The following TSR1 variants were observed in gnomAD, a reference collection of about 807,000 sequenced individuals.
The protein encoded by TSR1 is pre-rRNA-processing protein TSR1 homolog.
In TSR1, 81 loss-of-function variants were observed where a neutral mutation model predicts 90.9. The ratio of observed to expected loss-of-function variants is 0.89; its 90% confidence interval spans 0.74 to 1.07. The LOEUF (loss-of-function observed/expected upper bound fraction) is 1.07, where lower values mean the gene tolerates loss of function less well. Ranked by LOEUF, TSR1 falls within the 50% of genes least tolerant of loss-of-function variation. TSR1 has a pLI of 0.00. For synonymous variants in TSR1, 362 were observed against 348.8 expected, an observed-to-expected ratio of 1.04 and a Z score of -0.42; for missense variants, 989 against 987.3, an observed-to-expected ratio of 1.00 and a Z score of -0.02.
chr17:2,333,475 T>C (rs1013143974), intron 6 of TSR1, 82 bp downstream of exon 6: 1 of 1,568,428 alleles, frequency 6.4e-7, no homozygotes, highest in Non-Finnish European at 8.8e-7. Context: ...CACTCTATCC[T>C]ATAGGGCCCT....
At chr17:2,325,083 G>C in intron 12 of TSR1, 2 of 592,994 alleles carry the variant, frequency 3.4e-6, no homozygotes, top group East Asian at 5.7e-5. Flanking sequence ...AAAGGATGTT[G>C]AACAAAAGGC....
rs750076259 is a variant in TSR1, at chr17:2,332,169, C to G, written c.1496G>C (p.Arg499Pro). 1 of 1,610,788 alleles carries G rather than the reference C, an allele frequency of 6.2e-7. No homozygotes were observed. Among genetic ancestry groups the G allele is most frequent in the Non-Finnish European group, 8.5e-7 (1 of 1,179,336 alleles). The change falls in exon 8 of 15, where the codon CGA becomes CCA. Residue 499 changes from arginine to proline, a missense_variant and splice_region_variant. Physicochemically the swap from Arg to Pro is moderately radical, Grantham distance 103. Transcript: ENST00000301364. Reference sequence around the variant, plus strand: ...TTTGTTGATAGACTTGTTGACTAACCGAATTCGAGCAGCCACATCACGGGG... The same window carrying G: ...TTTGTTGATAGACTTGTTGACTAACGGAATTCGAGCAGCCACATCACGGGG... ...DTPRDVAARI[R>P]FQKYRGLKSF...
At chr17:2,335,862 G>T (rs569720732) in intron 2 of TSR1, 132 bp from the exon 3 acceptor site, 4 of 1,268,196 alleles carry the variant, frequency 3.2e-6, no homozygotes, top group South Asian at 2.8e-5. Context: ...AGGTATGCCA[G>T]CGGGGTGGCA....
chr17:2,333,313 C>G, intron 6 of TSR1, 189 bp from the exon 7 acceptor site: 1 of 851,084 alleles, frequency 1.2e-6, no homozygotes, highest in Non-Finnish European at 1.9e-6. Flanking sequence ...GCTAAATAAG[C>G]CCTGCAATGA....
intron 11 of TSR1, among the ~76,000 whole-genome samples, chr17:2,325,735 C>G (rs2075572790): frequency 1.3e-5 from 2 of 151,968 alleles, no homozygotes; most frequent in Non-Finnish European, 2.9e-5. Context: ...GCCTCAGCCT[C>G]CTGAGTAGCT....
Position 2,325,439 on chromosome 17 carries a change from A to C in TSR1, c.1904-19T>G. 6.3e-7 allele frequency: 1 copy of C among 1,591,200 alleles called. No individual in the cohort carries two copies. The highest frequency in any genetic ancestry group is 8.6e-7 in the Non-Finnish European group (1 of 1,166,816). ...TTGTCCGCTGCCATAAGGGTTAAAA[A>C]ATGAAAAGCAAAACCATTTTGAGAA... On this transcript the variant is annotated intron_variant, in intron 11 of 14. Transcript: ENST00000301364.
Position 2,336,056 on chromosome 17 carries a change from C to A in TSR1, c.182G>T (p.Arg61Leu). Residue 61 changes from arginine (R) to leucine (L), a missense_variant, in exon 2 of 15, where the codon CGA (arginine) becomes CTA (leucine). Coordinates refer to ENST00000301364, the MANE Select transcript of TSR1 (RefSeq NM_018128.5). ...VDQRHRASQL[R>L]KQKKEAVLAE... ...TCTCACCGCCTCCTTCTTCTGCTTTCGGAGCTGGCTGGCGCGATGCCTCTG... is the reference window on the plus strand; with the variant it reads ...TCTCACCGCCTCCTTCTTCTGCTTTAGGAGCTGGCTGGCGCGATGCCTCTG... 6.2e-7 allele frequency: 1 copy of A among 1,614,248 alleles called. No homozygotes were observed. Among genetic ancestry groups the A allele is most frequent in the Non-Finnish European group, 8.5e-7 (1 of 1,180,042 alleles).
chr17:2,333,160 C>A, intron 6 of TSR1, 36 bp from the exon 7 acceptor site: 1 of 1,607,682 alleles, frequency 6.2e-7, no homozygotes, highest in Non-Finnish European at 8.5e-7. Context: ...AAATTACAGA[C>A]TTCTTTTCCC....
Position 2,334,721 on chromosome 17 carries a change from A to G in TSR1, c.732T>C (p.Leu244=). ...RQLANQKQQH[L]AFRDRRAYLF... ...GGTAGGCCCGCCGATCTCGAAAAGC[A>G]AGATGCTGTTGCTTCTGGTTAGCCA... is the stretch of plus-strand genomic sequence containing the variant. The change falls in exon 5 of 15, where the codon CTT becomes CTC. Residue 244 remains leucine, a synonymous_variant. Coordinates refer to ENST00000301364, the MANE Select transcript of TSR1 (RefSeq NM_018128.5). The G allele has an allele frequency of 1.9e-6, 3 of 1,614,098 alleles. No individual in the cohort carries two copies. The highest frequency in any genetic ancestry group is 1.7e-4 in the Middle Eastern group (1 of 5,924).
chr17:2,334,356 T>A, intron 5 of TSR1, 116 bp downstream of exon 5: 1 of 1,097,482 alleles, frequency 9.1e-7, no homozygotes, highest in Non-Finnish European at 1.3e-6. Context: ...ACTATTGCCT[T>A]ACTTCAGACT....
Position 2,330,611 on chromosome 17 carries a change from G to C in TSR1, c.1674C>G (p.Val558=). ...EVEGAEVGWY[V]TLHVSEVPVS... The stretch of plus-strand genomic sequence containing the variant: ...CGGGGACTTCAGAGACATGAAGTGT[G>C]ACATACCAGCCAACCTGCCACAAGA... The change falls in exon 10 of 15, where the codon GTC becomes GTG. Residue 558 remains valine (V), a synonymous_variant. Transcript: ENST00000301364. 1 of 1,613,556 alleles carries C rather than the reference G, an allele frequency of 6.2e-7. No individual in the cohort carries two copies. The highest frequency in any genetic ancestry group is 8.5e-7 in the Non-Finnish European group (1 of 1,179,944).
At chr17:2,325,853 C>T (rs1036133776) in intron 11 of TSR1, among the ~76,000 whole-genome samples, 2 of 152,174 alleles carry the variant, frequency 1.3e-5, no homozygotes, top group Admixed American at 1.3e-4. Flanking sequence ...CCTTGTGATC[C>T]ACCCACCTCA....
chr17:2,324,541 C>A lies in TSR1; in HGVS notation c.2199G>T (p.Thr733=). Residue 733 remains threonine, a synonymous_variant, in exon 14 of 15, where the codon ACG becomes ACT. Transcript: ENST00000301364. ...TGATATGTCCTCTCCGGCCCCACTT[C>A]GTTCTCAGTTCCACTGGTTTAAACC... is the stretch of plus-strand genomic sequence containing the variant. The part of the protein sequence containing the change: ...VLWFKPVELR[T]KWGRRGHIKE... 6.2e-7 allele frequency: 1 copy of A among 1,614,238 alleles called. No homozygotes were observed.
intron 8 of TSR1, among the ~76,000 whole-genome samples, chr17:2,331,471 CTTG>C (rs750432673): frequency 2.0e-4 from 31 of 152,208 alleles, no homozygotes; most frequent in Middle Eastern, 6.8e-3. Context: ...CACCACCCTC[CTTG>C]TTGAGTGAGT....
At chr17:2,335,428 T>C (rs1567786227) in intron 3 of TSR1, 34 bp from the exon 4 acceptor site, 1 of 1,601,336 alleles carries the variant, frequency 6.2e-7, no homozygotes, top group Non-Finnish European at 8.5e-7. Context: ...AAGAGGTGGT[T>C]GGCACCAGCA....
chr17:2,325,836 C>T (rs1003092913), intron 11 of TSR1, among the ~76,000 whole-genome samples: 6 of 152,212 alleles, frequency 3.9e-5, no homozygotes, highest in African/African-American at 1.4e-4. Context: ...TGGTCTCGAA[C>T]TCCTCACCTT....
chr17:2,332,029 C>T (rs1567784144), intron 8 of TSR1, 140 bp downstream of exon 8: 1 of 875,694 alleles, frequency 1.1e-6, no homozygotes. Flanking sequence ...TATGTCCTGC[C>T]TTCCCATATT....
chr17:2,328,718 C>T (rs1324190365), intron 11 of TSR1, among the ~76,000 whole-genome samples: 4 of 151,150 alleles, frequency 2.6e-5, no homozygotes, highest in Non-Finnish European at 4.4e-5. Flanking sequence ...AGATAGAGAC[C>T]ATCCTGGCTA....
At position 2,334,625 on chromosome 17, in the gene TSR1, G is replaced by A. The variant is rs146191365; in HGVS notation, c.828C>T (p.Gly276=). The A allele has an allele frequency of 1.7e-5, 27 of 1,613,964 alleles. No individual in the cohort carries two copies. The East Asian group carries it at 5.6e-4, about 33-fold the overall frequency. ...NNLVGTLKIS[G]YVRGQTLNVN... ...CATTCAGAGTCTGCCCTCGAACATA[G>A]CCTGAAATTTTCAAGGTGCCCACCA... Residue 276 remains glycine (G), a synonymous_variant, in exon 5 of 15, where the codon GGC becomes GGT. Coordinates refer to ENST00000301364, the MANE Select transcript of TSR1 (RefSeq NM_018128.5).
Sources: gnomAD v4.1 joint callset for allele counts (sites outside exome capture counted in the v4.1 genomes callset) on GRCh38, gnomAD v4.1.1 for gene constraint, MANE v1.5 for transcripts, NCBI Gene and HGNC (gene_info 2026-07-23, HGNC 2026-07-21) for gene names.